Variants in ISL1 observed in about 807,000 individuals in gnomAD.
ISL1 encodes ISL LIM homeobox 1.
In ISL1, 4 loss-of-function variants were observed where a neutral mutation model predicts 35.3. The observed-to-expected ratio is 0.11, with a 90% CI of 0.06 to 0.26. ISL1 has a LOEUF of 0.26. ISL1 is among the 10% of genes least tolerant of loss of function. The probability of loss-of-function intolerance (pLI) is 1.00; values close to 1 mark genes in which losing one functional copy is unlikely to be tolerated. For missense variants in ISL1, 340 were observed against 472.8 expected, an observed-to-expected ratio of 0.72 and a Z score of 2.60; for synonymous variants, 186 against 172.3, an observed-to-expected ratio of 1.08 and a Z score of -0.62.
rs564610048 is a variant in ISL1, at chr5:51,391,433, C to A, written c.925C>A (p.Gln309Lys). The A allele has an allele frequency of 6.2e-7, 1 of 1,614,146 alleles. No individual in the cohort carries two copies. The highest frequency in any genetic ancestry group is 1.1e-5 in the South Asian group (1 of 91,070). Residue 309 changes from glutamine to lysine, a missense_variant, in exon 5 of 6, where the codon CAG becomes AAG. Transcript: ENST00000230658. ...GAGTGACATAGATCAGCCTGCTTTT[C>A]AGCAACTGGTAAGTGTCAGCTCCCA... ...LQSDIDQPAF[Q>K]QLVNFSEGGP...
At position 51,387,842 on chromosome 5, in the gene ISL1, C is replaced by A; in HGVS notation, c.478+93C>A. ...CAACTATGGTAGCTACAGGGGTGGT[C>A]GTAGTGTTTGCCTGCAGTTAAATGA... On this transcript the variant is annotated intron_variant, in intron 3 of 5. Transcript: ENST00000230658. The surrounding 1 kb of genome is among the most constrained non-coding windows in gnomAD (Gnocchi z 4.3). 1 of 1,511,230 alleles carries A rather than the reference C, an allele frequency of 6.6e-7. No individual in the cohort carries two copies. The highest frequency in any genetic ancestry group is 1.2e-5 in the South Asian group (1 of 85,494). 93.6% of individuals were successfully genotyped at this position (1,511,230 alleles called of 1,614,324 possible). A position where few individuals can be genotyped will look rare whatever the true frequency, so the allele number is the denominator to read the frequency against.
chr5:51,391,125 A>G, intron 4 of ISL1, 149 bp from the exon 5 acceptor site: 1 of 725,072 alleles, frequency 1.4e-6, no homozygotes, highest in South Asian at 1.9e-5. Context: ...TCTAACTAAT[A>G]TCCGTAGGTA....
chr5:51,392,373 T>C (rs1747537618), intron 5 of ISL1, among the ~76,000 whole-genome samples: 1 of 152,362 alleles, frequency 6.6e-6, no homozygotes, highest in East Asian at 1.9e-4. Context: ...AGATCTATCC[T>C]GAAACCTTGT....
Position 51,389,831 on chromosome 5 carries a change from C to T in ISL1, c.664C>T (p.Pro222Ser). The T allele has an allele frequency of 1.2e-6, 2 of 1,614,200 alleles. No homozygotes were observed. The highest frequency in any genetic ancestry group is 4.5e-5 in the East Asian group (2 of 44,858). Residue 222 changes from proline (P) to serine (S), a missense_variant, in exon 4 of 6, where the codon CCC (proline) becomes TCC (serine). Transcript: ENST00000230658. The surrounding 1 kb of genome is among the most constrained non-coding windows in gnomAD (Gnocchi z 5.0). Reference sequence around the variant, plus strand: ...ACTGGTAGAGATGACGGGCCTCAGTCCCCGTGTGATCCGGGTCTGGTTTCA... The same window carrying T: ...ACTGGTAGAGATGACGGGCCTCAGTTCCCGTGTGATCCGGGTCTGGTTTCA... ...EQLVEMTGLSPRVIRVWFQNK... is the reference protein window; with the variant it reads ...EQLVEMTGLSSRVIRVWFQNK...
chr5:51,383,611 T>C lies in ISL1; in HGVS notation c.-61T>C. The stretch of plus-strand genomic sequence containing the variant: ...AGCCACAGCTCCAGCATCCTCTCTG[T>C]GGGCTGTTCACCAACTGTACAACCA... On this transcript the variant is annotated 5_prime_UTR_variant, in exon 1 of 6. Coordinates refer to ENST00000230658, the MANE Select transcript of ISL1 (RefSeq NM_002202.3). 7.4e-7 allele frequency: 1 copy of C among 1,354,418 alleles called. No individual in the cohort carries two copies. 83.9% of individuals were successfully genotyped at this position (1,354,418 alleles called of 1,614,324 possible). A position where few individuals can be genotyped will look rare whatever the true frequency, so the allele number is the denominator to read the frequency against.
At chr5:51,390,636 C>CTTTTTGTTTT (rs1216503548) in intron 4 of ISL1, among the ~76,000 whole-genome samples, 67 of 74,314 alleles carry the variant, frequency 9.0e-4, no homozygotes, top group South Asian at 1.1e-3. Flanking sequence ...TCTTTTCTTT[C>CTTTTTGTTTT]TTTTTCTTTT....
Position 51,387,059 on chromosome 5 carries a change from TGGTGTC to T in ISL1, c.219-426_219-421del, listed in dbSNP as rs1244051940. Among the ~76,000 whole-genome samples, 3 of 147,612 alleles carry T rather than the reference TGGTGTC, an allele frequency of 2.0e-5. No homozygotes were observed. The highest frequency in any genetic ancestry group is 7.5e-5 in the African/African-American group (3 of 39,880). On this transcript the variant is annotated intron_variant, in intron 2 of 5. Coordinates refer to ENST00000230658, the MANE Select transcript of ISL1 (RefSeq NM_002202.3). This position sits in a 1 kb window ranked among gnomAD's most constrained non-coding sequence, Gnocchi z 4.3. ...TTGTGGGATAGGGAAGTGAAAGTGT[TGGTGTC>T]GGTGGCCACCAGAGTCTTTCTGGAT...
At chr5:51,393,050 A>G (rs1747554420) in intron 5 of ISL1, among the ~76,000 whole-genome samples, 1 of 152,198 alleles carries the variant, frequency 6.6e-6, no homozygotes. Flanking sequence ...CCTCCTCTCA[A>G]TCTCCTGTCA....
At chr5:51,384,861 C>T (rs1747304672) in intron 2 of ISL1, 131 bp downstream of exon 2, 4 of 829,976 alleles carry the variant, frequency 4.8e-6, no homozygotes, top group Admixed American at 3.7e-5. Context: ...CCAAAGTTAC[C>T]CTGTACATGT....
At position 51,389,538 on chromosome 5, in the gene ISL1, T is replaced by A. The variant is rs1747431354; in HGVS notation, c.479-108T>A. On this transcript the variant is annotated intron_variant, in intron 3 of 5. Transcript: ENST00000230658. This position sits in a 1 kb window ranked among gnomAD's most constrained non-coding sequence, Gnocchi z 5.0. Reference sequence around the variant, plus strand: ...TGAGTATCTCGGGCGGGCGAGCAAGTAAGCGGGCGGGCGGGCGGGCAAGCG... The same window carrying A: ...TGAGTATCTCGGGCGGGCGAGCAAGAAAGCGGGCGGGCGGGCGGGCAAGCG... 1 of 962,992 alleles carries A rather than the reference T, an allele frequency of 1.0e-6. No individual in the cohort carries two copies. Among genetic ancestry groups the A allele is most frequent in the Admixed American group, 6.3e-5 (1 of 15,810 alleles). 59.7% of individuals were successfully genotyped at this position (962,992 alleles called of 1,614,324 possible).
intron 1 of ISL1, among the ~76,000 whole-genome samples, 187 bp downstream of exon 1, chr5:51,383,886 T>C (rs1022345280): frequency 6.6e-6 from 1 of 152,110 alleles, no homozygotes; most frequent in African/African-American, 2.4e-5. Flanking sequence ...TTCGGGAAAC[T>C]GATTGTACCT....
chr5:51,393,629 T>C lies in ISL1; in HGVS notation c.*19T>C. 2.0e-6 allele frequency: 3 copies of C among 1,466,480 alleles called. No homozygotes were observed. The highest frequency in any genetic ancestry group is 2.9e-6 in the Non-Finnish European group (3 of 1,045,164). 90.8% of individuals were successfully genotyped at this position (1,466,480 alleles called of 1,614,324 possible). Reference sequence around the variant, plus strand: ...GGCATGAGGAACATTCATTCTGTATTTTTTTTCCCTGTTGGAGAAAGTGGG... The same window carrying C: ...GGCATGAGGAACATTCATTCTGTATCTTTTTTCCCTGTTGGAGAAAGTGGG... On this transcript the variant is annotated 3_prime_UTR_variant, in exon 6 of 6. Transcript: ENST00000230658.
At position 51,393,760 on chromosome 5, in the gene ISL1, A is replaced by C; in HGVS notation, c.*150A>C. On this transcript the variant is annotated 3_prime_UTR_variant, in exon 6 of 6. Coordinates refer to ENST00000230658, the MANE Select transcript of ISL1 (RefSeq NM_002202.3). ...GAAATGCACGAAGTCTGTTTTAATG[A>C]CAAGGTGATATGGTAGCAACACTGT... 1 of 694,010 alleles carries C rather than the reference A, an allele frequency of 1.4e-6. No homozygotes were observed. Among genetic ancestry groups the C allele is most frequent in the Non-Finnish European group, 2.6e-6 (1 of 380,286 alleles). The allele number at this position is 694,010 out of a possible 1,614,324, so 43.0% of individuals were successfully genotyped here.
Position 51,387,568 on chromosome 5 carries a change from G to A in ISL1, c.297G>A (p.Val99=). ...TCGTGATGCGTGCCCGCTCCAAGGT[G>A]TATCACATCGAGTGTTTCCGCTGTG... ...NDFVMRARSK[V]YHIECFRCVA... The change falls in exon 3 of 6, where the codon GTG becomes GTA. Residue 99 remains valine (V), a synonymous_variant. Transcript: ENST00000230658. This position sits in a 1 kb window ranked among gnomAD's most constrained non-coding sequence, Gnocchi z 4.3. 6.2e-7 allele frequency: 1 copy of A among 1,614,244 alleles called. No homozygotes were observed. Among genetic ancestry groups the A allele is most frequent in the South Asian group, 1.1e-5 (1 of 91,086 alleles).
At chr5:51,393,065 A>T (rs557534520) in intron 5 of ISL1, among the ~76,000 whole-genome samples, 1 of 152,268 alleles carries the variant, frequency 6.6e-6, no homozygotes, top group South Asian at 2.1e-4. Flanking sequence ...CTGTCAAAGG[A>T]TCTGAGCCTG....
chr5:51,383,937 T>C (rs1015305022), intron 1 of ISL1, among the ~76,000 whole-genome samples: 1 of 152,014 alleles, frequency 6.6e-6, no homozygotes, highest in Non-Finnish European at 1.5e-5. Flanking sequence ...AGCTCTAGCT[T>C]TCTGGTGCTA....
chr5:51,388,773 C>T (rs1747412089), intron 3 of ISL1, among the ~76,000 whole-genome samples: 1 of 152,164 alleles, frequency 6.6e-6, no homozygotes, highest in South Asian at 2.1e-4. Context: ...CTAGTTTGCA[C>T]CGGGGCACGG....
chr5:51,388,439 C>G (rs1221028616), intron 3 of ISL1, among the ~76,000 whole-genome samples: 6 of 151,946 alleles, frequency 3.9e-5, no homozygotes, highest in Non-Finnish European at 8.8e-5. Context: ...ATCTTCAGGC[C>G]CATGGTTGTA....
intron 4 of ISL1, among the ~76,000 whole-genome samples, chr5:51,390,796 G>A (rs1747495630): frequency 6.6e-6 from 1 of 151,210 alleles, no homozygotes; most frequent in Non-Finnish European, 1.5e-5. Flanking sequence ...AGCACAATAG[G>A]AACCAGACCC....
Sources: gnomAD v4.1 joint callset for allele counts (sites outside exome capture counted in the v4.1 genomes callset) on GRCh38, gnomAD v4.1.1 for gene constraint, Gnocchi (gnomAD v3.1) non-coding constraint, MANE v1.5 for transcripts, NCBI Gene and HGNC (gene_info 2026-07-23, HGNC 2026-07-21) for gene names.